Variants in USP9X observed in about 807,000 individuals in gnomAD.
USP9X encodes the protein ubiquitin specific peptidase 9 X-linked.
In USP9X, 7 loss-of-function variants were observed where a neutral mutation model predicts 190.3. The observed-to-expected ratio is 0.04, with a 90% CI of 0.02 to 0.07. The LOEUF (loss-of-function observed/expected upper bound fraction) is 0.07, where lower values mean the gene tolerates loss of function less well. USP9X is among the 10% of genes least tolerant of loss of function. USP9X has a pLI of 1.00. For synonymous variants in USP9X, 645 were observed against 659.5 expected (o/e 0.98, Z 0.34); for missense variants, 1,010 against 1,916.9 (o/e 0.53, Z 8.83).
intron 28 of USP9X, 33 bp from the exon 29 acceptor site, chrX:41,197,331 T>TCCG: frequency 4.1e-6 from 2 of 486,763 alleles, no homozygotes; most frequent in Non-Finnish European, 5.9e-6. Flanking sequence ...TTTGATTTCT[T>TCCG]CCCCCCCCCA....
At chrX:41,113,121 CAT>C (rs757203982) in intron 1 of USP9X, among the ~76,000 whole-genome samples, 4 of 112,582 alleles carry the variant, frequency 3.6e-5, no homozygotes, top group Admixed American at 1.9e-4. Flanking sequence ...TCTTTAAAAA[CAT>C]AATTGAATCT....
chrX:41,199,406 TTTTA>T (rs752898649), intron 30 of USP9X, among the ~76,000 whole-genome samples: 23 of 110,889 alleles, frequency 2.1e-4, no homozygotes, highest in Admixed American at 1.9e-3. Context: ...TAAAACTTTA[TTTTA>T]TTTATTTATT....
intron 14 of USP9X, among the ~76,000 whole-genome samples, chrX:41,155,936 C>T (rs2062574680): frequency 9.0e-6 from 1 of 111,213 alleles, no homozygotes; most frequent in African/African-American, 3.3e-5. Context: ...TTTCACTGGC[C>T]ATAATTAGGT....
chrX:41,187,819 C>T (rs2062895070), intron 24 of USP9X, among the ~76,000 whole-genome samples, 173 bp from the exon 25 acceptor site: 2 of 108,165 alleles, frequency 1.8e-5, no homozygotes, highest in East Asian at 5.6e-4. Flanking sequence ...AGAGGGCCCT[C>T]CGCCCCCACC....
At chrX:41,115,305 T>C (rs1427011211) in intron 1 of USP9X, among the ~76,000 whole-genome samples, 2 of 110,468 alleles carry the variant, frequency 1.8e-5, no homozygotes, top group East Asian at 2.8e-4. Flanking sequence ...ATAGCTTGTG[T>C]TGTACAGTTA....
Position 41,232,635 on chromosome X carries a change from A to C in USP9X, c.*111A>C. 4 of 993,160 alleles carry C rather than the reference A, an allele frequency of 4.0e-6. No homozygotes were observed. The highest frequency in any genetic ancestry group is 5.4e-6 in the Non-Finnish European group (4 of 738,505). The allele number at this position is 993,160 out of a possible 1,213,427, so 81.8% of individuals were successfully genotyped here. ...ACTAGAAAAACTATTCCTAATCAAC[A>C]TGGAGTGGAGAGTTTATTCACTGTC... On this transcript the variant is annotated 3_prime_UTR_variant, in exon 45 of 45. Transcript: ENST00000378308.
chrX:41,167,874 C>G, intron 17 of USP9X, 133 bp from the exon 18 acceptor site: 3 of 489,390 alleles, frequency 6.1e-6, no homozygotes, highest in Non-Finnish European at 9.9e-6. Context: ...TGTATGGATT[C>G]TCTACTTAAA....
intron 43 of USP9X, chrX:41,229,991 A>T: frequency 1.7e-6 from 1 of 571,598 alleles, no homozygotes; most frequent in Non-Finnish European, 2.6e-6. Context: ...ACCTGAGGTC[A>T]GGAGTTCAAG....
chrX:41,193,612 C>A (rs2062956598), intron 26 of USP9X, among the ~76,000 whole-genome samples: 1 of 111,636 alleles, frequency 9.0e-6, no homozygotes, highest in African/African-American at 3.3e-5. Flanking sequence ...TACTGTGAGC[C>A]CTGATCGTGC....
chrX:41,170,745 G>A, intron 20 of USP9X, 126 bp downstream of exon 20: 1 of 648,210 alleles, frequency 1.5e-6, no homozygotes, highest in Non-Finnish European at 2.2e-6. Flanking sequence ...AAAAAATACA[G>A]TTAACCACCA....
At chrX:41,219,058 T>C in intron 37 of USP9X, 44 bp from the exon 38 acceptor site, 1 of 1,181,146 alleles carries the variant, frequency 8.5e-7, no homozygotes. Context: ...GAAGTATACA[T>C]ATACCTTGTT....
intron 31 of USP9X, 138 bp from the exon 32 acceptor site, chrX:41,205,161 ATAAC>A: frequency 2.1e-6 from 1 of 467,348 alleles, no homozygotes; most frequent in East Asian, 4.0e-5. Context: ...TAAACACTAA[ATAAC>A]TAAAAATTTA....
At chrX:41,136,320 G>A (rs1425655627) in intron 5 of USP9X, among the ~76,000 whole-genome samples, 2 of 110,613 alleles carry the variant, frequency 1.8e-5, no homozygotes, top group African/African-American at 6.6e-5. Flanking sequence ...GCCAGCACAC[G>A]TGGCTAATTT....
At chrX:41,176,770 C>G (rs976421667) in intron 21 of USP9X, among the ~76,000 whole-genome samples, 1 of 112,241 alleles carries the variant, frequency 8.9e-6, no homozygotes, top group African/African-American at 3.2e-5. Flanking sequence ...CATGAACAAA[C>G]TCACCTTCTG....
chrX:41,147,765 C>G (rs895731525), intron 11 of USP9X, among the ~76,000 whole-genome samples: 5 of 112,206 alleles, frequency 4.5e-5, no homozygotes, highest in Non-Finnish European at 9.4e-5. Flanking sequence ...CTTAATCGTT[C>G]TTCTGCTGTT....
At chrX:41,158,868 G>A (rs916758691) in intron 14 of USP9X, among the ~76,000 whole-genome samples, 25 of 111,658 alleles carry the variant, frequency 2.2e-4, no homozygotes, top group South Asian at 3.7e-4. Context: ...TGCAGAAAAA[G>A]CATTTGTCCA....
chrX:41,167,954 T>C, intron 17 of USP9X, 53 bp from the exon 18 acceptor site: 1 of 1,085,255 alleles, frequency 9.2e-7, no homozygotes, highest in Non-Finnish European at 1.2e-6. Context: ...TAATATTTGG[T>C]TTTTACATTT....
chrX:41,124,304 G>A (rs2062217342), intron 2 of USP9X, among the ~76,000 whole-genome samples: 2 of 109,982 alleles, frequency 1.8e-5, no homozygotes, highest in African/African-American at 6.6e-5. Flanking sequence ...AAGTAGCTGG[G>A]TGTGGTGGCA....
At chrX:41,110,925 A>T (rs1044141313) in intron 1 of USP9X, among the ~76,000 whole-genome samples, 1 of 111,801 alleles carries the variant, frequency 8.9e-6, no homozygotes, top group African/African-American at 3.3e-5. Flanking sequence ...TGCTGTTAAA[A>T]TAGGAGTCTA....
Sources: gnomAD v4.1 joint callset for allele counts (sites outside exome capture counted in the v4.1 genomes callset) on GRCh38, gnomAD v4.1.1 for gene constraint, MANE v1.5 for transcripts, NCBI Gene and HGNC (gene_info 2026-07-23, HGNC 2026-07-21) for gene names.